Variants in LRRC28 observed in about 807,000 individuals in gnomAD.
LRRC28 encodes leucine-rich repeat-containing protein 28.
In LRRC28, 39 loss-of-function variants were observed where a neutral mutation model predicts 45.7. The ratio of observed to expected loss-of-function variants is 0.85; its 90% confidence interval spans 0.66 to 1.12. The LOEUF (loss-of-function observed/expected upper bound fraction) is 1.12, where lower values mean the gene tolerates loss of function less well. Among genes scored for constraint, LRRC28 ranks in the 50% most tolerant of loss-of-function variants. The pLI is 0.00. For synonymous variants in LRRC28, 206 were observed against 178.8 expected (o/e 1.15, Z -1.22); for missense variants, 435 against 438.5 (o/e 0.99, Z 0.07).
At chr15:99,251,570 G>GT (rs1196241902) in intron 1 of LRRC28, 29 bp downstream of exon 1, 2 of 152,302 alleles carry the variant, frequency 1.3e-5, no homozygotes, top group African/African-American at 4.8e-5. Flanking sequence ...CTCGTCGGGT[G>GT]ATTCAAGTGG....
rs2081980056 is a variant in LRRC28, at chr15:99,287,181, GT to G, written c.210-75del. 4.0e-6 allele frequency: 5 copies of G among 1,264,412 alleles called. No homozygotes were observed. In the South Asian group the frequency reaches 7.5e-5, roughly 19 times the overall value. 78.3% of individuals were successfully genotyped at this position (1,264,412 alleles called of 1,614,324 possible). A position where few individuals can be genotyped will look rare whatever the true frequency, so the allele number is the denominator to read the frequency against. On this transcript the variant is annotated intron_variant, in intron 3 of 9. Transcript: ENST00000301981. ...CTATTTATATTTGATAAATTTCTAA[GT>G]GAGCATTTTATAAACTGATTATCTG...
intron 9 of LRRC28, among the ~76,000 whole-genome samples, chr15:99,376,418 T>C (rs1387870602): frequency 6.6e-6 from 1 of 152,212 alleles, no homozygotes; most frequent in East Asian, 1.9e-4. Flanking sequence ...ATATGAGTTA[T>C]TGATTTTAGA....
At chr15:99,367,692 C>T (rs1185069964) in intron 9 of LRRC28, among the ~76,000 whole-genome samples, 7 of 152,160 alleles carry the variant, frequency 4.6e-5, no homozygotes, top group East Asian at 1.9e-4. Context: ...ATAGAAGAGA[C>T]GTATAAAGCA....
intron 6 of LRRC28, among the ~76,000 whole-genome samples, chr15:99,348,597 G>A (rs571266206): frequency 3.1e-4 from 47 of 152,152 alleles, no homozygotes; most frequent in African/African-American, 9.9e-4. Flanking sequence ...TCTCTGTTCT[G>A]TTCCATTGGT....
intron 5 of LRRC28, among the ~76,000 whole-genome samples, chr15:99,303,380 T>A (rs1955053757): frequency 6.6e-6 from 1 of 152,206 alleles, no homozygotes; most frequent in Non-Finnish European, 1.5e-5. Flanking sequence ...CTGGTGTTAA[T>A]GGATAATTTT....
chr15:99,389,815 T>C lies in LRRC28; in HGVS notation c.*3713T>C, dbSNP rs1024364969. The C allele has an allele frequency of 1.3e-5, 2 of 152,116 alleles. No homozygotes were observed. Among genetic ancestry groups the C allele is most frequent in the African/African-American group, 4.8e-5 (2 of 41,430 alleles). 9.4% of individuals were successfully genotyped at this position (152,116 alleles called of 1,614,324 possible). On this transcript the variant is annotated 3_prime_UTR_variant, in exon 10 of 10. Transcript: ENST00000301981. ...TAAAGTTTGTATTTTTGAAACTAGC[T>C]CTATGTCTATCTAAAAATCAAGTCT...
intron 9 of LRRC28, among the ~76,000 whole-genome samples, chr15:99,363,719 A>C (rs924900872): frequency 3.9e-5 from 6 of 152,138 alleles, no homozygotes; most frequent in Non-Finnish European, 8.8e-5. Flanking sequence ...TTGAATTTTT[A>C]ACCCTTCCAA....
intron 5 of LRRC28, among the ~76,000 whole-genome samples, chr15:99,323,192 G>T (rs1397790845): frequency 1.3e-5 from 2 of 152,060 alleles, no homozygotes; most frequent in Non-Finnish European, 1.5e-5. Flanking sequence ...TGGCTCCCTG[G>T]TCTGTGAGCA....
chr15:99,348,940 ATTCAT>A (rs2152312630), intron 6 of LRRC28, among the ~76,000 whole-genome samples: 1 of 151,992 alleles, frequency 6.6e-6, no homozygotes, highest in South Asian at 2.1e-4. Context: ...TTTGTGTATT[ATTCAT>A]TTTCTCCCAT....
intron 1 of LRRC28, 121 bp downstream of exon 1, chr15:99,251,662 A>G (rs570174673): frequency 6.6e-6 from 1 of 152,388 alleles, no homozygotes; most frequent in African/African-American, 2.4e-5. Context: ...CGAGTGGGAC[A>G]GCGGAGCCGT....
intron 3 of LRRC28, 132 bp from the exon 4 acceptor site, chr15:99,287,125 A>T (rs1388486876): frequency 1.6e-6 from 1 of 620,922 alleles, no homozygotes; most frequent in Non-Finnish European, 2.8e-6. Flanking sequence ...TTGTATGTTG[A>T]TGCATTAGAG....
At chr15:99,275,642 G>A (rs1009283648) in intron 2 of LRRC28, among the ~76,000 whole-genome samples, 3 of 152,232 alleles carry the variant, frequency 2.0e-5, no homozygotes, top group East Asian at 3.8e-4. Flanking sequence ...CAATCAAGGT[G>A]TGATTTGGAT....
At chr15:99,353,890 A>G (rs377378974) in intron 7 of LRRC28, 2 of 152,186 alleles carry the variant, frequency 1.3e-5, no homozygotes, top group African/African-American at 4.8e-5. Context: ...AAGTAGAGAG[A>G]TATTTTTAAA....
chr15:99,328,810 C>G (rs1170133710), intron 5 of LRRC28, among the ~76,000 whole-genome samples: 1 of 151,168 alleles, frequency 6.6e-6, no homozygotes, highest in African/African-American at 2.4e-5. Context: ...ATCCTTTGGG[C>G]TCCAGGATTT....
chr15:99,264,320 A>G (rs2081278282), intron 2 of LRRC28, among the ~76,000 whole-genome samples: 1 of 152,256 alleles, frequency 6.6e-6, no homozygotes, highest in Non-Finnish European at 1.5e-5. Context: ...ACATAAGGAA[A>G]GGAATGTGGA....
rs568683423 is a variant in LRRC28 at position 99,331,267 on chromosome 15, G to A, written c.386-2656G>A. On this transcript the variant is annotated intron_variant, in intron 5 of 9. Coordinates refer to ENST00000301981, the MANE Select transcript of LRRC28 (RefSeq NM_144598.5). ...AATACCTTTAGGTAGATGGTTTGCA[G>A]ATAATGCAATTCAGAGGTATTGATG... Among the ~76,000 whole-genome samples, 20 of 152,078 alleles carry A rather than the reference G, an allele frequency of 1.3e-4. No individual in the cohort carries two copies. The South Asian group carries it at 4.1e-3, about 32-fold the overall frequency.
chr15:99,358,704 C>T (rs1024242867), intron 7 of LRRC28, among the ~76,000 whole-genome samples: 5 of 149,834 alleles, frequency 3.3e-5, no homozygotes, highest in South Asian at 2.1e-4. Flanking sequence ...TAATGCTACC[C>T]GTATTATTTT....
intron 1 of LRRC28, chr15:99,251,948 A>T (rs960605921): frequency 8.5e-5 from 13 of 152,350 alleles, no homozygotes; most frequent in African/African-American, 3.1e-4. Flanking sequence ...GCGTTAGGAA[A>T]TTGGAATGCG....
At chr15:99,294,081 C>T (rs1487820857) in intron 5 of LRRC28, among the ~76,000 whole-genome samples, 1 of 152,146 alleles carries the variant, frequency 6.6e-6, no homozygotes, top group Non-Finnish European at 1.5e-5. Flanking sequence ...GTATCCTTTT[C>T]TATGACTGCA....
Sources: allele counts gnomAD v4.1 joint callset (sites outside exome capture counted in the v4.1 genomes callset), GRCh38; gene constraint gnomAD v4.1.1; transcripts MANE v1.5; gene names NCBI Gene and HGNC (gene_info 2026-07-23, HGNC 2026-07-21).